Variants in TMPRSS9 observed in about 807,000 individuals in gnomAD.
TMPRSS9 encodes the protein transmembrane serine protease 9.
In TMPRSS9, 113 loss-of-function variants were observed where a neutral mutation model predicts 111.4. The observed-to-expected ratio is 1.01, with a 90% CI of 0.87 to 1.19. TMPRSS9 has a LOEUF of 1.19. TMPRSS9 is among the 50% of genes most tolerant of loss of function. The probability of loss-of-function intolerance (pLI) is 0.00; values close to 1 mark genes in which losing one functional copy is unlikely to be tolerated. For synonymous variants in TMPRSS9, 805 were observed against 659.1 expected (o/e 1.22, Z -3.39); for missense variants, 1,803 against 1,513.1 (o/e 1.19, Z -3.18).
intron 15 of TMPRSS9, among the ~76,000 whole-genome samples, chr19:2,424,520 AC>A (rs1459807642): frequency 7.0e-6 from 1 of 143,370 alleles, no homozygotes; most frequent in African/African-American, 2.7e-5. Context: ...TCCCCACCTA[AC>A]CCGGAAGCTG....
upstream of TMPRSS9, among the ~76,000 whole-genome samples, chr19:2,389,142 C>T (rs11881070): frequency 0.26 from 39,031 of 147,394 alleles, 6,306 homozygotes; most frequent in East Asian, 0.55. Flanking sequence ...GGCGTGATCT[C>T]AGCTCCCTGC....
chr19:2,389,868 C>T lies in TMPRSS9; in HGVS notation c.83C>T (p.Ala28Val), dbSNP rs201916796. The T allele has an allele frequency of 7.1e-5, 115 of 1,614,006 alleles. No individual in the cohort carries two copies. The African/African-American group carries it at 7.6e-4, about 11-fold the overall frequency. ...GCTCTGGATGCCGCGTGCTGTCGAG[C>T]GGCCAGCATTGGCGTGGTGGCCACC... is the stretch of plus-strand genomic sequence containing the variant. Residue 28 changes from alanine to valine, a missense_variant, in exon 1 of 18, where the codon GCG (alanine) becomes GTG (valine). Coordinates refer to ENST00000648592, the Ensembl canonical transcript of TMPRSS9.
At chr19:2,415,496 G>A (rs75888388) in intron 10 of TMPRSS9, among the ~76,000 whole-genome samples, 174 bp from the exon 12 acceptor site, 26,142 of 152,066 alleles carry the variant, frequency 0.17, 3,024 homozygotes, top group East Asian at 0.36. Flanking sequence ...ACTTGCTGCA[G>A]GACCTTGGGC....
rs1385535960 is a variant in TMPRSS9, at chr19:2,391,028, AAAGAAAGGGAGG to A, written c.142+1102_142+1113del. On this transcript the variant is annotated intron_variant, in intron 1 of 17. Transcript: ENST00000648592. ...CTAAAAATACAAGAAAGAAAGAAAG[AAAGAAAGGGAGG>A]GAGGGAGGGAGGGAGGCAGGCAGGC... is the stretch of plus-strand genomic sequence containing the variant. 4.0e-3 allele frequency among the ~76,000 whole-genome samples: 505 copies of A among 127,064 alleles called. 8 individuals carry two copies. Among genetic ancestry groups the A allele is most frequent in the African/African-American group, 0.014 (465 of 34,176 alleles). The allele number at this position is 127,064 out of a possible 152,430, so 83.4% of individuals were successfully genotyped here. A position where few individuals can be genotyped will look rare whatever the true frequency, so the allele number is the denominator to read the frequency against.
chr19:2,371,322 G>C (rs1421400792), intron 1 of TMPRSS9, among the ~76,000 whole-genome samples: 3 of 152,142 alleles, frequency 2.0e-5, no homozygotes. Context: ...CCCCCACACG[G>C]CTCCAGATGG....
At chr19:2,406,681 G>C (rs182644480) in intron 7 of TMPRSS9, among the ~76,000 whole-genome samples, 1 of 151,660 alleles carries the variant, frequency 6.6e-6, no homozygotes, top group African/African-American at 2.4e-5. Flanking sequence ...GTGTGAAGTA[G>C]CATCTCCCTG....
chr19:2,422,896 TAATAAA>T (rs766039422), intron 14 of TMPRSS9, among the ~76,000 whole-genome samples: 3 of 147,052 alleles, frequency 2.0e-5, no homozygotes, highest in South Asian at 4.3e-4. Flanking sequence ...TAGATAATAG[TAATAAA>T]AATAAAAAGC....
At chr19:2,392,206 C>A (rs1287691071) in intron 1 of TMPRSS9, among the ~76,000 whole-genome samples, 1 of 151,786 alleles carries the variant, frequency 6.6e-6, no homozygotes, top group African/African-American at 2.4e-5. Context: ...ATAATGAAGA[C>A]AAGAAACATT....
chr19:2,421,745 C>A lies in TMPRSS9; in HGVS notation c.2155-109C>A, dbSNP rs1599317856. ...TCCAGACCCGCGCTGTGCCCTCTGC[C>A]CCCCGCCCTCGATGGCTCCCACCCA... On this transcript the variant is annotated intron_variant, in intron 13 of 17. Coordinates refer to ENST00000648592, the Ensembl canonical transcript of TMPRSS9. The A allele has an allele frequency of 3.9e-6, 5 of 1,279,568 alleles. No homozygotes were observed. The South Asian group carries it at 5.9e-5, about 15-fold the overall frequency. 79.3% of individuals were successfully genotyped at this position (1,279,568 alleles called of 1,614,324 possible).
In TMPRSS9 at chr19:2,381,685, G is replaced by A. The variant is rs1021388647; in HGVS notation, c.-25-8076G>A. 5.9e-5 allele frequency among the ~76,000 whole-genome samples: 9 copies of A among 151,912 alleles called. No individual in the cohort carries two copies. In the East Asian group the frequency reaches 1.2e-3, roughly 20 times the overall value. ...TTTCTCATTGGCTCTGGATGGTAGCGGCCAGGCATGGAGTGGCTGTTCCCA... is the reference window on the plus strand; with the variant it reads ...TTTCTCATTGGCTCTGGATGGTAGCAGCCAGGCATGGAGTGGCTGTTCCCA... On this transcript the variant is annotated intron_variant, in intron 1 of 17. Transcript: ENST00000649857.
At chr19:2,379,659 TTCTTTCTTTCTTTCTTTC>T (rs1332830405) in intron 1 of TMPRSS9, among the ~76,000 whole-genome samples, 32 of 149,816 alleles carry the variant, frequency 2.1e-4, no homozygotes, top group African/African-American at 6.5e-4. Flanking sequence ...CTTTCTTTCT[TTCTTTCTTTCTTTCTTTC>T]TCTTTTTCTT....
chr19:2,370,493 C>A (rs8101666), intron 1 of TMPRSS9, among the ~76,000 whole-genome samples: 32,159 of 150,872 alleles, frequency 0.21, 5,898 homozygotes, highest in African/African-American at 0.49. Context: ...ATGCCTGGCT[C>A]ATTATTTTTA....
At chr19:2,396,887 C>T (rs1180925946) in intron 2 of TMPRSS9, among the ~76,000 whole-genome samples, 2 of 151,460 alleles carry the variant, frequency 1.3e-5, no homozygotes, top group East Asian at 1.9e-4. Context: ...GACACACTCA[C>T]ATGGGACTTT....
chr19:2,400,317 T>C (rs1429612420), intron 4 of TMPRSS9, among the ~76,000 whole-genome samples: 1 of 151,590 alleles, frequency 6.6e-6, no homozygotes, highest in African/African-American at 2.4e-5. Flanking sequence ...CAAGGTGGGC[T>C]GATCACTTCA....
chr19:2,367,020 A>G (rs1048263213), intron 1 of TMPRSS9, among the ~76,000 whole-genome samples: 2 of 152,200 alleles, frequency 1.3e-5, no homozygotes, highest in South Asian at 4.2e-4. Flanking sequence ...GAGCATCCTG[A>G]CAACATGGCT....
In TMPRSS9 at chr19:2,424,232, CT is replaced by C. The variant is rs949370276; in HGVS notation, c.2693del (p.Leu898ArgfsTer20). The C allele has an allele frequency of 2.1e-6, 3 of 1,415,308 alleles. No individual in the cohort carries two copies. Among genetic ancestry groups the C allele is most frequent in the Non-Finnish European group, 2.8e-6 (3 of 1,076,120 alleles). The allele number at this position is 1,415,308 out of a possible 1,614,324, so 87.7% of individuals were successfully genotyped here. A position where few individuals can be genotyped will look rare whatever the true frequency, so the allele number is the denominator to read the frequency against. ...CGTGCTGGTGGCAGAGAGGTGGCTG[CT>C]GTCGGCGGCGCACTGCTTCGACGTG... On this transcript the variant is annotated frameshift_variant, in exon 15 of 18. Transcript: ENST00000648592. LOFTEE classifies it high-confidence loss of function.
chr19:2,408,656 T>G lies in TMPRSS9; in HGVS notation c.1117+26T>G, dbSNP rs535859928. ...GTAAGCATCTTCCTCGGCCTGCAAG[T>G]GAGCTCAGGCAGGCAGGCGGGCAAA... On this transcript the variant is annotated intron_variant, in intron 8 of 17. Transcript: ENST00000648592. 2.8e-5 allele frequency: 45 copies of G among 1,596,594 alleles called. 1 individual carries two copies. The East Asian group carries it at 8.8e-4, about 31-fold the overall frequency.
chr19:2,384,132 C>T (rs969465021), intron 1 of TMPRSS9, among the ~76,000 whole-genome samples: 8 of 152,152 alleles, frequency 5.3e-5, no homozygotes, highest in South Asian at 2.1e-4. Context: ...TGGCATTGTT[C>T]CCCCAGCTTC....
chr19:2,418,461 T>C (rs1423220366), intron 13 of TMPRSS9, among the ~76,000 whole-genome samples: 2 of 15,002 alleles, frequency 1.3e-4, no homozygotes, highest in African/African-American at 8.4e-4. Context: ...CTCCCTCCCT[T>C]TCCTTCCCTC....
Sources: allele counts gnomAD v4.1 joint callset (sites outside exome capture counted in the v4.1 genomes callset), GRCh38; gene constraint gnomAD v4.1.1; transcripts MANE v1.5; gene names NCBI Gene and HGNC (gene_info 2026-07-23, HGNC 2026-07-21).